GRID2: variants seen among roughly 807,000 people sequenced by gnomAD.
GRID2 encodes glutamate ionotropic receptor delta type subunit 2.
In GRID2, 33 loss-of-function variants were observed where a neutral mutation model predicts 114.8. The observed-to-expected ratio is 0.29, with a 90% confidence interval of 0.22 to 0.38. The LOEUF (loss-of-function observed/expected upper bound fraction) is 0.38. GRID2 is among the 10% of genes least tolerant of loss of function. The pLI, the probability that GRID2 is intolerant of heterozygous loss-of-function variation, is 1.00. For synonymous variants in GRID2, 505 were observed against 449.9 expected, an observed-to-expected ratio of 1.12 and a Z score of -1.55; for missense variants, 1,184 against 1,257.7, an observed-to-expected ratio of 0.94 and a Z score of 0.89.
chr4:92,445,502 G>A (rs1207393229), intron 1 of GRID2, among the ~76,000 whole-genome samples: 1 of 152,170 alleles, frequency 6.6e-6, no homozygotes, highest in African/African-American at 2.4e-5. Context: ...AGCTGAAAGA[G>A]TGTTTTAAAA....
chr4:93,584,112 G>C (rs1486849251), intron 13 of GRID2, among the ~76,000 whole-genome samples: 1 of 152,116 alleles, frequency 6.6e-6, no homozygotes, highest in Non-Finnish European at 1.5e-5. Flanking sequence ...AACTGTTTCT[G>C]AGTAAAATAT....
chr4:93,162,653 A>AT (rs2149409355), intron 4 of GRID2, among the ~76,000 whole-genome samples: 1 of 152,134 alleles, frequency 6.6e-6, no homozygotes. Flanking sequence ...ACCTGGAATC[A>AT]TTTTTGTCTG....
chr4:93,425,356 G>T (rs1768740436), intron 10 of GRID2, among the ~76,000 whole-genome samples: 1 of 152,104 alleles, frequency 6.6e-6, no homozygotes, highest in Non-Finnish European at 1.5e-5. Flanking sequence ...CATTGTTAAG[G>T]CAGGTCTATT....
At chr4:92,356,059 A>G (rs1728303902) in intron 1 of GRID2, among the ~76,000 whole-genome samples, 1 of 151,748 alleles carries the variant, frequency 6.6e-6, no homozygotes, top group Non-Finnish European at 1.5e-5. Flanking sequence ...TAGATCTTAT[A>G]TTTATACTTG....
In GRID2 at chr4:92,813,633, T is replaced by C. The variant is rs1740751917; in HGVS notation, c.244+223347T>C. On this transcript the variant is annotated intron_variant, in intron 2 of 15. Transcript: ENST00000282020. ...ATTCAGATTTATCAGAATTCTTCAT[T>C]TAACTTCAGTACAGACACACGCACG... Among the ~76,000 whole-genome samples the C allele has an allele frequency of 2.0e-5, 3 of 152,144 alleles. No individual in the cohort carries two copies. In the South Asian group the frequency reaches 6.2e-4, roughly 32 times the overall value.
At chr4:92,396,194 T>C (rs1730484568) in intron 1 of GRID2, among the ~76,000 whole-genome samples, 1 of 151,936 alleles carries the variant, frequency 6.6e-6, no homozygotes, top group South Asian at 2.1e-4. Flanking sequence ...GCATTATGTT[T>C]ATTCAAGGTG....
At chr4:92,621,806 A>G (rs1009909111) in intron 2 of GRID2, among the ~76,000 whole-genome samples, 2 of 151,804 alleles carry the variant, frequency 1.3e-5, no homozygotes, top group Non-Finnish European at 2.9e-5. Flanking sequence ...TGTAAGTAGA[A>G]TTTTTCTTCA....
At chr4:93,289,618 A>T (rs1205622563) in intron 8 of GRID2, among the ~76,000 whole-genome samples, 1 of 152,240 alleles carries the variant, frequency 6.6e-6, no homozygotes, top group African/African-American at 2.4e-5. Flanking sequence ...ACATATACAT[A>T]TGTAGGTTGT....
At chr4:92,920,704 T>G (rs1749243719) in intron 2 of GRID2, among the ~76,000 whole-genome samples, 1 of 152,232 alleles carries the variant, frequency 6.6e-6, no homozygotes, top group Non-Finnish European at 1.5e-5. Flanking sequence ...GTAGAGTTTC[T>G]GCGGAGAGAT....
At chr4:93,617,121 A>G (rs181170480) in intron 13 of GRID2, among the ~76,000 whole-genome samples, 129 of 152,354 alleles carry the variant, frequency 8.5e-4, no homozygotes, top group Non-Finnish European at 1.7e-3. Flanking sequence ...TGCAGAAAAC[A>G]TTCAAGTAAG....
intron 1 of GRID2, among the ~76,000 whole-genome samples, chr4:92,417,538 G>A (rs142722896): frequency 1.4e-3 from 210 of 152,172 alleles, no homozygotes; most frequent in African/African-American, 4.2e-3. Context: ...TAACAAAAAG[G>A]TAAAGGCACA....
chr4:92,498,698 A>G (rs1426178640), intron 1 of GRID2, among the ~76,000 whole-genome samples: 1 of 151,912 alleles, frequency 6.6e-6, no homozygotes, highest in Non-Finnish European at 1.5e-5. Flanking sequence ...AACTTAAAAC[A>G]TCTGTGAGAC....
intron 1 of GRID2, among the ~76,000 whole-genome samples, chr4:92,399,035 G>A (rs1364199796): frequency 6.6e-6 from 1 of 152,072 alleles, no homozygotes; most frequent in Non-Finnish European, 1.5e-5. Context: ...GCTACAACTG[G>A]TTTAGTTAGA....
intron 2 of GRID2, among the ~76,000 whole-genome samples, chr4:92,867,183 A>T (rs748714776): frequency 6.6e-6 from 1 of 152,174 alleles, no homozygotes; most frequent in Non-Finnish European, 1.5e-5. Context: ...TATTAATAAC[A>T]TATTGGTTAT....
chr4:93,679,879 A>T (rs934525380), intron 14 of GRID2, among the ~76,000 whole-genome samples: 2 of 151,152 alleles, frequency 1.3e-5, no homozygotes, highest in Non-Finnish European at 2.9e-5. Flanking sequence ...TAGAAAAGCA[A>T]GAGCAAACAC....
chr4:92,664,572 T>C lies in GRID2; in HGVS notation c.244+74286T>C, dbSNP rs1346284251. Reference sequence around the variant, plus strand: ...ATGTCTGTTAGACCTAGTTAGCTTATTGTGTTTCTTCTCTTTCCTTACTTA... The same window carrying C: ...ATGTCTGTTAGACCTAGTTAGCTTACTGTGTTTCTTCTCTTTCCTTACTTA... On this transcript the variant is annotated intron_variant, in intron 2 of 15. Transcript: ENST00000282020. 1.1e-4 allele frequency among the ~76,000 whole-genome samples: 17 copies of C among 151,128 alleles called. No individual in the cohort carries two copies. In the East Asian group the frequency reaches 2.9e-3, roughly 26 times the overall value.
intron 4 of GRID2, among the ~76,000 whole-genome samples, chr4:93,200,255 G>A (rs1741931870): frequency 6.6e-6 from 1 of 152,164 alleles, no homozygotes; most frequent in Non-Finnish European, 1.5e-5. Flanking sequence ...AGAAGCACAA[G>A]TATCACCATT....
At chr4:93,533,765 G>A (rs909961451) in intron 13 of GRID2, among the ~76,000 whole-genome samples, 1 of 151,744 alleles carries the variant, frequency 6.6e-6, no homozygotes, top group Non-Finnish European at 1.5e-5. Flanking sequence ...AGCCATCACT[G>A]TCTCTTTCCT....
At chr4:93,588,792 A>G (rs1181998090) in intron 13 of GRID2, among the ~76,000 whole-genome samples, 2 of 152,138 alleles carry the variant, frequency 1.3e-5, no homozygotes, top group Non-Finnish European at 2.9e-5. Context: ...CCCTGACAAC[A>G]AGATAAATTT....
Sources: allele counts gnomAD v4.1 joint callset (sites outside exome capture counted in the v4.1 genomes callset), GRCh38; gene constraint gnomAD v4.1.1; transcripts MANE v1.5; gene names NCBI Gene and HGNC (gene_info 2026-07-23, HGNC 2026-07-21).